DHRS12: variants seen among roughly 807,000 people sequenced by gnomAD.
The protein encoded by DHRS12 is dehydrogenase/reductase 12.
DHRS12 carries 29 observed loss-of-function variants against 32.1 expected under a neutral mutation model. That is an observed-to-expected ratio of 0.90 (90% confidence interval 0.67 to 1.23). The LOEUF (loss-of-function observed/expected upper bound fraction) is 1.23. DHRS12 is among the 50% of genes most tolerant of loss of function. DHRS12 has a pLI of 0.00. For missense variants in DHRS12, 330 were observed against 337.2 expected, an observed-to-expected ratio of 0.98 and a Z score of 0.17; for synonymous variants, 150 against 135.9, an observed-to-expected ratio of 1.10 and a Z score of -0.72.
chr13:51,765,816 G>A (rs949660272), downstream of DHRS12: 7 of 152,160 alleles, frequency 4.6e-5, no homozygotes, highest in Admixed American at 4.6e-4. Flanking sequence ...GGTAAGGGTG[G>A]AAATTAATCA....
At chr13:51,762,926 G>A in the DHRS12 span, 17 of 152,186 alleles carry the variant, frequency 1.1e-4, no homozygotes, top group Non-Finnish European at 2.4e-4. Context: ...CTGCCTGAGT[G>A]TATCTTCACA....
intron 1 of DHRS12, 135 bp downstream of exon 1, chr13:51,803,919 G>T: frequency 1.2e-6 from 1 of 817,748 alleles, no homozygotes; most frequent in Non-Finnish European, 1.6e-6. Flanking sequence ...GGGCGCACCC[G>T]TCGTTCTGGA....
intron 7 of DHRS12, chr13:51,771,126 G>C: frequency 6.7e-7 from 1 of 1,500,882 alleles, no homozygotes; most frequent in Non-Finnish European, 8.9e-7. Context: ...ATAGACAGTA[G>C]TGGCCACTCC....
the DHRS12 span, chr13:51,755,298 G>A: frequency 1.3e-6 from 2 of 1,502,472 alleles, no homozygotes; most frequent in African/African-American, 2.7e-5. Flanking sequence ...ATCAGGGTCA[G>A]TGGTTTCCAT....
At position 51,799,539 on chromosome 13, in the gene DHRS12, T is replaced by C. The variant is rs138621494; in HGVS notation, c.121A>G (p.Ser41Gly). 1.1e-5 allele frequency: 17 copies of C among 1,613,396 alleles called. No homozygotes were observed. The Admixed American group carries it at 1.8e-4, about 17-fold the overall frequency. The change falls in exon 2 of 9, where the codon AGC (serine) becomes GGC (glycine). Residue 41 changes from serine to glycine, a missense_variant. By Grantham distance (56) the Ser-to-Gly change is moderately conservative (BLOSUM62 0). Coordinates refer to ENST00000444610, the MANE Select transcript of DHRS12 (RefSeq NM_001377533.1). ...ACGTGTTAGCAGCTGCTTACCTCGCTTGGCGATTTCAAGGGCAGTTGCTTT... is the reference window on the plus strand; with the variant it reads ...ACGTGTTAGCAGCTGCTTACCTCGCCTGGCGATTTCAAGGGCAGTTGCTTT... Reference protein sequence around the residue: ...LAKQLPLKSPSENIFLHIVDL... With the variant: ...LAKQLPLKSPGENIFLHIVDL...
At chr13:51,788,902 C>T (rs1428747664) in intron 4 of DHRS12, among the ~76,000 whole-genome samples, 1 of 151,930 alleles carries the variant, frequency 6.6e-6, no homozygotes, top group East Asian at 1.9e-4. Flanking sequence ...GGACAATCAG[C>T]GGGGCTTGCT....
At chr13:51,798,716 G>A (rs1027258612) in intron 2 of DHRS12, among the ~76,000 whole-genome samples, 15 of 146,976 alleles carry the variant, frequency 1.0e-4, no homozygotes, top group African/African-American at 3.5e-4. Context: ...TGCCTAACTT[G>A]GATTTAGAGA....
At chr13:51,767,781 CGGGG>C (rs71085096), downstream of DHRS12, 5 of 4,694 alleles carry the variant, frequency 1.1e-3, no homozygotes, top group South Asian at 0.015. Context: ...TCTCCTGGGG[CGGGG>C]GGGGGGGGGG....
At chr13:51,768,912 TC>T (rs1204210381) in intron 8 of DHRS12, 2 of 1,391,194 alleles carry the variant, frequency 1.4e-6, no homozygotes, top group African/African-American at 3.0e-5. Flanking sequence ...GAACTGCCTC[TC>T]CCGTTCTCAC....
Position 51,782,390 on chromosome 13 carries a change from C to T in DHRS12, c.302-5269G>A, listed in dbSNP as rs978345552. On this transcript the variant is annotated intron_variant, in intron 4 of 8. Transcript: ENST00000444610. This position sits in a 1 kb window ranked among gnomAD's most constrained non-coding sequence, Gnocchi z 4.2. Reference sequence around the variant, plus strand: ...GCTGGCTAAGGAGGTTGAGAAGGAGCCAACCTCCGAGGGTGGAATCACAGG... The same window carrying T: ...GCTGGCTAAGGAGGTTGAGAAGGAGTCAACCTCCGAGGGTGGAATCACAGG... Among the ~76,000 whole-genome samples, 2 of 152,138 alleles carry T rather than the reference C, an allele frequency of 1.3e-5. No individual in the cohort carries two copies. The highest frequency in any genetic ancestry group is 2.9e-5 in the Non-Finnish European group (2 of 68,010).
chr13:51,769,834 G>T (rs1953931728), intron 7 of DHRS12, among the ~76,000 whole-genome samples: 1 of 152,234 alleles, frequency 6.6e-6, no homozygotes, highest in Admixed American at 6.5e-5. Flanking sequence ...GCATCCCAGG[G>T]CTACAGGGAG....
chr13:51,790,095 A>G lies in DHRS12; in HGVS notation c.220-3T>C. On this transcript the variant is annotated splice_region_variant and splice_polypyrimidine_tract_variant and intron_variant, in intron 3 of 8. Coordinates refer to ENST00000444610, the MANE Select transcript of DHRS12 (RefSeq NM_001377533.1). ...ACCATGCAACCTGCATTATTGATCT[A>G]AAATTTATAGTTCTCATTTCAAAAT... 1.3e-6 allele frequency: 2 copies of G among 1,559,882 alleles called. No homozygotes were observed. The highest frequency in any genetic ancestry group is 1.2e-5 in the South Asian group (1 of 83,458).
At chr13:51,776,066 GT>G (rs1954360027) in intron 5 of DHRS12, 1 of 94,310 alleles carries the variant, frequency 1.1e-5, no homozygotes, top group Non-Finnish European at 2.0e-5. Flanking sequence ...GTATTCTACA[GT>G]ATTCTCCTAC....
chr13:51,798,644 C>T (rs1408492330), intron 2 of DHRS12, among the ~76,000 whole-genome samples: 1 of 152,214 alleles, frequency 6.6e-6, no homozygotes, highest in East Asian at 1.9e-4. Flanking sequence ...GCAATTAATC[C>T]TCTCCCTGAC....
chr13:51,797,097 G>T (rs115852813), intron 2 of DHRS12, among the ~76,000 whole-genome samples: 2,327 of 152,248 alleles, frequency 0.015, 63 homozygotes, highest in African/African-American at 0.054. Context: ...TAGTGACAGT[G>T]AGCGAGCAGC....
At chr13:51,760,551 T>G in the DHRS12 span, 1 of 152,192 alleles carries the variant, frequency 6.6e-6, no homozygotes, top group African/African-American at 2.4e-5. Context: ...CCTGGATCAT[T>G]TAGAATTCAG....
In DHRS12 at chr13:51,798,002, T is replaced by C. The variant is rs1386560991; in HGVS notation, c.126+1532A>G. 6 of 1,243,668 alleles carry C rather than the reference T, an allele frequency of 4.8e-6. No homozygotes were observed. The East Asian group carries it at 7.6e-5, about 16-fold the overall frequency. The allele number at this position is 1,243,668 out of a possible 1,614,324, so 77.0% of individuals were successfully genotyped here. A position where few individuals can be genotyped will look rare whatever the true frequency, so the allele number is the denominator to read the frequency against. On this transcript the variant is annotated intron_variant, in intron 2 of 8. Transcript: ENST00000444610. ...AAAATGAAGACATATGGGCTCACAG[T>C]TGACACTCTTCTGTTAAGCCTAGAT...
chr13:51,773,755 G>C (rs1954164081), intron 6 of DHRS12, among the ~76,000 whole-genome samples, 175 bp downstream of exon 6: 1 of 152,008 alleles, frequency 6.6e-6, no homozygotes, highest in Non-Finnish European at 1.5e-5. Context: ...AGCCCACATG[G>C]GTCTGAGCAG....
At chr13:51,767,714 G>C (rs1032969659), downstream of DHRS12, 2 of 151,872 alleles carry the variant, frequency 1.3e-5, no homozygotes, top group African/African-American at 5.1e-5. Flanking sequence ...AATATGCATC[G>C]TCCCTTGGTT....
Sources: allele counts gnomAD v4.1 joint callset (sites outside exome capture counted in the v4.1 genomes callset), GRCh38; gene constraint gnomAD v4.1.1; non-coding constraint Gnocchi (gnomAD v3.1); transcripts MANE v1.5; gene names NCBI Gene and HGNC (gene_info 2026-07-23, HGNC 2026-07-21).